The following RIT2 variants were observed in gnomAD, a reference collection of about 807,000 sequenced individuals.
RIT2 encodes the protein Ras like without CAAX 2.
In RIT2, 24 loss-of-function variants were observed where a neutral mutation model predicts 23.7. The observed-to-expected ratio is 1.01, with a 90% CI of 0.73 to 1.43. The LOEUF (loss-of-function observed/expected upper bound fraction) is 1.43, where lower values mean the gene tolerates loss of function less well. Ranked by LOEUF, RIT2 falls within the 40% of genes most tolerant of loss-of-function variation. The probability of loss-of-function intolerance (pLI) is 0.00; values close to 1 mark genes in which losing one functional copy is unlikely to be tolerated. For missense variants in RIT2, 236 were observed against 266.9 expected, an observed-to-expected ratio of 0.88 and a Z score of 0.81; for synonymous variants, 107 against 91.1, an observed-to-expected ratio of 1.17 and a Z score of -0.99.
chr18:43,033,788 G>A (rs772117492), intron 2 of RIT2, 23 bp downstream of exon 2: 53 of 1,543,318 alleles, frequency 3.4e-5, no homozygotes, highest in Middle Eastern at 1.7e-4. Flanking sequence ...TTGAGCTTAC[G>A]GAGAAAGGAA....
intron 4 of RIT2, among the ~76,000 whole-genome samples, chr18:42,806,396 G>A (rs533388264): frequency 2.6e-5 from 4 of 152,098 alleles, no homozygotes; most frequent in African/African-American, 7.2e-5. Flanking sequence ...TTGAATCCGG[G>A]AGGCAGAGGT....
At chr18:42,933,760 C>T (rs904533077) in intron 3 of RIT2, among the ~76,000 whole-genome samples, 3 of 152,150 alleles carry the variant, frequency 2.0e-5, no homozygotes, top group Admixed American at 2.0e-4. Flanking sequence ...TGGCTCATGC[C>T]TGTAATCTCA....
intron 4 of RIT2, among the ~76,000 whole-genome samples, chr18:42,791,374 G>T (rs1443302848): frequency 6.6e-6 from 1 of 152,156 alleles, no homozygotes; most frequent in Admixed American, 6.5e-5. Context: ...CTCTGTACGT[G>T]ACTGGGTACT....
chr18:43,018,139 CT>C (rs1568057161), intron 2 of RIT2, among the ~76,000 whole-genome samples: 1 of 152,014 alleles, frequency 6.6e-6, no homozygotes, highest in African/African-American at 2.4e-5. Context: ...GTTCAGTTCA[CT>C]GTCTTATCCC....
At chr18:43,088,232 T>G (rs1913332040) in intron 1 of RIT2, among the ~76,000 whole-genome samples, 1 of 152,240 alleles carries the variant, frequency 6.6e-6, no homozygotes, top group Admixed American at 6.5e-5. Flanking sequence ...ATTAATGACA[T>G]TATCTGAAGC....
chr18:42,767,025 G>T lies in RIT2; in HGVS notation c.427-23305C>A, dbSNP rs540760336. Among the ~76,000 whole-genome samples, 9 of 152,320 alleles carry T rather than the reference G, an allele frequency of 5.9e-5. No individual in the cohort carries two copies. The East Asian group carries it at 1.2e-3, about 20-fold the overall frequency. ...ATGCCCAGGCAAAAGTTTGCTGCAG[G>T]GCAGGTCCCTCATCAAGAACCTCTG... On this transcript the variant is annotated intron_variant, in intron 4 of 4. Transcript: ENST00000326695.
chr18:43,089,215 C>G (rs911332637), intron 1 of RIT2, among the ~76,000 whole-genome samples: 1 of 152,060 alleles, frequency 6.6e-6, no homozygotes, highest in African/African-American at 2.4e-5. Flanking sequence ...AGCCCAAAAA[C>G]TTCTTTACCT....
intron 3 of RIT2, 29 bp downstream of exon 3, chr18:42,974,045 G>C: frequency 6.7e-7 from 1 of 1,487,994 alleles, no homozygotes; most frequent in East Asian, 2.3e-5. Context: ...TAAACTCAGA[G>C]ATTGGAGAGG....
At chr18:42,770,418 G>T (rs527642227) in intron 4 of RIT2, among the ~76,000 whole-genome samples, 1 of 152,288 alleles carries the variant, frequency 6.6e-6, no homozygotes, top group South Asian at 2.1e-4. Context: ...GATGGAACAG[G>T]AAGGAAGAGA....
intron 1 of RIT2, among the ~76,000 whole-genome samples, chr18:43,096,084 A>G (rs1248221358): frequency 1.3e-5 from 2 of 151,910 alleles, no homozygotes; most frequent in East Asian, 3.9e-4. Flanking sequence ...AAGTGAGACT[A>G]TTTCACATTG....
Position 42,907,076 on chromosome 18 carries a change from A to G in RIT2, c.426+16496T>C, listed in dbSNP as rs575134530. Among the ~76,000 whole-genome samples the G allele has an allele frequency of 6.8e-4, 103 of 152,240 alleles. 1 individual carries two copies. Among genetic ancestry groups the G allele is most frequent in the African/African-American group, 2.3e-3 (96 of 41,554 alleles). The stretch of plus-strand genomic sequence containing the variant: ...TTTATAACAAAAATAAAAGTAAATT[A>G]TGTCTGTATCTACTGTTTTTTTAAG... On this transcript the variant is annotated intron_variant, in intron 4 of 4. Coordinates refer to ENST00000326695, the MANE Select transcript of RIT2 (RefSeq NM_002930.4).
intron 4 of RIT2, among the ~76,000 whole-genome samples, chr18:42,790,574 G>A (rs11082298): frequency 0.31 from 46,855 of 151,954 alleles, 9,274 homozygotes; most frequent in African/African-American, 0.55. Context: ...AATTTCAGGC[G>A]TCTGCCACCA....
intron 3 of RIT2, among the ~76,000 whole-genome samples, chr18:42,940,882 A>G (rs1909585297): frequency 6.6e-6 from 1 of 152,146 alleles, no homozygotes; most frequent in Non-Finnish European, 1.5e-5. Context: ...CTCTTACAGC[A>G]GGAATGTCAT....
At chr18:42,844,657 G>A (rs1268382018) in intron 4 of RIT2, among the ~76,000 whole-genome samples, 1 of 151,886 alleles carries the variant, frequency 6.6e-6, no homozygotes, top group Non-Finnish European at 1.5e-5. Flanking sequence ...CACAGGATAG[G>A]CAGGGCAGGG....
intron 1 of RIT2, among the ~76,000 whole-genome samples, chr18:43,034,470 T>C (rs1911930638): frequency 6.6e-6 from 1 of 152,212 alleles, no homozygotes; most frequent in Non-Finnish European, 1.5e-5. Flanking sequence ...CCTATGATTT[T>C]GTAAAACATT....
chr18:42,958,914 C>G (rs1409511032), intron 3 of RIT2, among the ~76,000 whole-genome samples: 2 of 152,148 alleles, frequency 1.3e-5, no homozygotes, highest in Admixed American at 1.3e-4. Context: ...TCAATGACAT[C>G]TCATTACATA....
chr18:42,822,390 G>A (rs554077373), intron 4 of RIT2, among the ~76,000 whole-genome samples: 9 of 152,178 alleles, frequency 5.9e-5, no homozygotes, highest in African/African-American at 2.4e-5. Flanking sequence ...TTTCACTCAC[G>A]TTGAAGAAAA....
At chr18:42,806,107 A>G (rs1478896848) in intron 4 of RIT2, among the ~76,000 whole-genome samples, 1 of 96,546 alleles carries the variant, frequency 1.0e-5, no homozygotes, top group African/African-American at 1.3e-4. Context: ...ATTAATATAT[A>G]TATATATATA....
intron 2 of RIT2, among the ~76,000 whole-genome samples, chr18:43,004,751 G>C: frequency 6.6e-6 from 1 of 151,768 alleles, no homozygotes; most frequent in South Asian, 2.1e-4. Flanking sequence ...ATTGCCCTTT[G>C]CTACTCTCAC....
Sources: gnomAD v4.1 joint callset for allele counts (sites outside exome capture counted in the v4.1 genomes callset) on GRCh38, gnomAD v4.1.1 for gene constraint, MANE v1.5 for transcripts, NCBI Gene and HGNC (gene_info 2026-07-23, HGNC 2026-07-21) for gene names.